Variants in TM2D3 observed in about 807,000 individuals in gnomAD.
TM2D3 encodes the protein TM2 domain containing 3, also known as TM2 domain-containing protein 3.
Under a neutral mutation model 27.3 loss-of-function variants are expected in TM2D3, and 33 were observed. The observed-to-expected ratio is 1.21, with a 90% confidence interval of 0.92 to 1.61. The LOEUF (loss-of-function observed/expected upper bound fraction) is 1.61. Ranked by LOEUF, TM2D3 falls within the 40% of genes most tolerant of loss-of-function variation. The pLI is 0.00. For missense variants in TM2D3, 364 were observed against 320.8 expected, an observed-to-expected ratio of 1.13 and a Z score of -1.03; for synonymous variants, 138 against 122.2, an observed-to-expected ratio of 1.13 and a Z score of -0.85.
intron 4 of TM2D3, chr15:101,635,235 T>C (rs937883999): frequency 2.6e-5 from 4 of 152,202 alleles, no homozygotes; most frequent in African/African-American, 7.2e-5. Flanking sequence ...TTATACATAA[T>C]AGAATTTGTG....
At chr15:101,652,243 C>T (rs1343778157) in intron 1 of TM2D3, 28 bp downstream of exon 1, 1 of 1,586,552 alleles carries the variant, frequency 6.3e-7, no homozygotes, top group Admixed American at 1.7e-5. Context: ...TCAGCCCCAC[C>T]CGGCGCTGAA....
chr15:101,633,684 A>G, exon 5 of TM2D3: 3 of 1,533,336 alleles, frequency 2.0e-6, no homozygotes, highest in Non-Finnish European at 2.6e-6. Flanking sequence ...ATGTCAATGA[A>G]GTCCAACAGT....
At chr15:101,651,854 G>C (rs1896984252) in intron 1 of TM2D3, 81 bp from the exon 2 acceptor site, 1 of 1,428,530 alleles carries the variant, frequency 7.0e-7, no homozygotes, top group Admixed American at 1.7e-5. Context: ...AACACGGCGG[G>C]TCTACACCAG....
chr15:101,646,957 C>T, intron 3 of TM2D3, 58 bp from the exon 4 acceptor site: 1 of 1,583,884 alleles, frequency 6.3e-7, no homozygotes, highest in Non-Finnish European at 8.7e-7. Context: ...GTTAAGATGT[C>T]AGTAAGACTA....
At chr15:101,648,548 C>T (rs544857626) in intron 3 of TM2D3, among the ~76,000 whole-genome samples, 2 of 152,344 alleles carry the variant, frequency 1.3e-5, no homozygotes, top group East Asian at 3.9e-4. Context: ...GAGCCGGCCT[C>T]GTCTGGCCCA....
chr15:101,651,611 T>G, intron 2 of TM2D3, 85 bp downstream of exon 2: 2 of 1,322,998 alleles, frequency 1.5e-6, no homozygotes, highest in Non-Finnish European at 2.1e-6. Context: ...AGTGACTTCG[T>G]ATACTAAAGG....
chr15:101,640,831 A>G (rs970210716), downstream of TM2D3, among the ~76,000 whole-genome samples: 6 of 152,220 alleles, frequency 3.9e-5, no homozygotes, highest in African/African-American at 1.4e-4. Flanking sequence ...GGATTTGGGA[A>G]CAAGTTCATT....
chr15:101,633,334 G>T, exon 5 of TM2D3: 1 of 249,504 alleles, frequency 4.0e-6, no homozygotes, highest in Admixed American at 5.5e-5. Flanking sequence ...TGAATATTTT[G>T]GGCATCGCTT....
At chr15:101,637,764 G>A (rs889614229), downstream of TM2D3, among the ~76,000 whole-genome samples, 1 of 152,102 alleles carries the variant, frequency 6.6e-6, no homozygotes, top group Non-Finnish European at 1.5e-5. Flanking sequence ...TTAGAGACAG[G>A]CGTAACTACG....
chr15:101,636,582 C>T, intron 4 of TM2D3: 1 of 168,248 alleles, frequency 5.9e-6, no homozygotes, highest in South Asian at 1.3e-4. Context: ...AGTACTCCTC[C>T]TTCAGGGCCT....
chr15:101,640,802 C>G (rs1159291568), downstream of TM2D3, among the ~76,000 whole-genome samples: 1 of 152,214 alleles, frequency 6.6e-6, no homozygotes, highest in African/African-American at 2.4e-5. Flanking sequence ...AAGGGCTATG[C>G]CCTTGTGCAA....
chr15:101,650,325 C>G (rs2141369710), intron 2 of TM2D3, 164 bp from the exon 3 acceptor site: 2 of 618,498 alleles, frequency 3.2e-6, no homozygotes, highest in South Asian at 5.5e-5. Flanking sequence ...AAGCAGAATT[C>G]TGCCCACGGC....
chr15:101,644,167 A>C (rs1173096970), intron 5 of TM2D3, among the ~76,000 whole-genome samples: 1 of 151,862 alleles, frequency 6.6e-6, no homozygotes, highest in Non-Finnish European at 1.5e-5. Context: ...TGTTAGTCTC[A>C]TTTTCTATCC....
Position 101,651,754 on chromosome 15 carries a change from A to G in TM2D3, c.111T>C (p.Ala37=), listed in dbSNP as rs1351170560. 20 of 1,614,176 alleles carry G rather than the reference A, an allele frequency of 1.2e-5. No homozygotes were observed. Among genetic ancestry groups the G allele is most frequent in the Non-Finnish European group, 1.6e-5 (19 of 1,180,012 alleles). The change falls in exon 2 of 6, where the codon GCT becomes GCC. Residue 37 remains alanine (A), a synonymous_variant. Coordinates refer to ENST00000333202, the MANE Select transcript of TM2D3 (RefSeq NM_078474.3). ...TTGGGCCCGGATCCTTTATTGACTGAGCCAGCGCCTGCGATTGCTCTAAAT... is the reference window on the plus strand; with the variant it reads ...TTGGGCCCGGATCCTTTATTGACTGGGCCAGCGCCTGCGATTGCTCTAAAT... ...LSGGEQSQAL[A]QSIKDPGPTR...
intron 5 of TM2D3, among the ~76,000 whole-genome samples, chr15:101,642,955 C>T (rs1406566939): frequency 6.6e-6 from 1 of 152,134 alleles, no homozygotes; most frequent in East Asian, 1.9e-4. Flanking sequence ...ACAGGAAGTG[C>T]ACTAACACGG....
intron 3 of TM2D3, among the ~76,000 whole-genome samples, chr15:101,647,961 A>G (rs1322828490): frequency 6.6e-6 from 1 of 151,894 alleles, no homozygotes; most frequent in African/African-American, 2.4e-5. Context: ...GCGGTGGTGC[A>G]ATCTCGGCTC....
intron 4 of TM2D3, chr15:101,636,590 C>A: frequency 6.0e-6 from 1 of 167,028 alleles, no homozygotes; most frequent in South Asian, 1.3e-4. Context: ...TCCTTCAGGG[C>A]CTCCCGGATT....
chr15:101,636,541 T>C (rs1243371691), intron 4 of TM2D3: 2 of 153,892 alleles, frequency 1.3e-5, no homozygotes, highest in African/African-American at 2.4e-5. Flanking sequence ...GGAGTCCTTG[T>C]AATAGTTCTT....
Position 101,652,292 on chromosome 15 carries a change from A to G in TM2D3, c.70T>C (p.Phe24Leu). ...TCACCACCGCCCGACAGAATGCAGA[A>G]CTGCGAGAGGAAGAGCAGCACGCGA... The part of the protein sequence containing the change: ...LCRVLLFLSQ[F>L]CILSGGEQSQ... Residue 24 changes from phenylalanine (F) to leucine (L), a missense_variant, in exon 1 of 6, where the codon TTC becomes CTC. Phe to Leu is a conservative substitution (Grantham distance 22). Coordinates refer to ENST00000333202, the MANE Select transcript of TM2D3 (RefSeq NM_078474.3). 3 of 1,605,112 alleles carry G rather than the reference A, an allele frequency of 1.9e-6. No individual in the cohort carries two copies. Among genetic ancestry groups the G allele is most frequent in the Non-Finnish European group, 2.6e-6 (3 of 1,176,262 alleles).
Sources: gnomAD v4.1 joint callset for allele counts (sites outside exome capture counted in the v4.1 genomes callset) on GRCh38, gnomAD v4.1.1 for gene constraint, MANE v1.5 for transcripts, NCBI Gene and HGNC (gene_info 2026-07-23, HGNC 2026-07-21) for gene names.